Variants in NRG1 observed in about 807,000 individuals in gnomAD.
NRG1 encodes the protein pro-neuregulin-1, membrane-bound isoform.
A neutral mutation model predicts 63.8 loss-of-function variants in NRG1; 18 were observed. The ratio of observed to expected loss-of-function variants is 0.28; its 90% CI spans 0.19 to 0.42. The LOEUF (loss-of-function observed/expected upper bound fraction) is 0.42. Among genes scored for constraint, NRG1 ranks in the 10% least tolerant of loss-of-function variants. The probability of loss-of-function intolerance (pLI) is 1.00; values close to 1 mark genes in which losing one functional copy is unlikely to be tolerated. For synonymous variants in NRG1, 302 were observed against 301.3 expected (o/e 1.00, Z -0.02); for missense variants, 762 against 814.7 (o/e 0.94, Z 0.79).
intron 1 of NRG1, among the ~76,000 whole-genome samples, chr8:32,530,975 G>A (rs1411732694): frequency 1.3e-5 from 2 of 152,130 alleles, no homozygotes; most frequent in Non-Finnish European, 2.9e-5. Context: ...GGAAGCACCT[G>A]TAATTCCAGC....
chr8:31,887,716 A>T (rs557953464), intron 1 of NRG1, among the ~76,000 whole-genome samples: 3 of 152,188 alleles, frequency 2.0e-5, no homozygotes, highest in South Asian at 2.1e-4. Flanking sequence ...GGCTGTAAGG[A>T]TCTTTAATGA....
At chr8:32,708,126 T>C (rs1395991187) in intron 5 of NRG1, among the ~76,000 whole-genome samples, 3 of 152,130 alleles carry the variant, frequency 2.0e-5, no homozygotes, top group African/African-American at 7.2e-5. Flanking sequence ...TTTCCTAACT[T>C]ATATTATCTT....
chr8:32,597,955 G>A (rs1371692062), intron 2 of NRG1, among the ~76,000 whole-genome samples: 4 of 152,166 alleles, frequency 2.6e-5, no homozygotes, highest in Non-Finnish European at 5.9e-5. Context: ...GGATGGAATG[G>A]ATTTTGGTGT....
chr8:31,813,524 T>TCTTTTC (rs1196353618), intron 1 of NRG1, among the ~76,000 whole-genome samples: 16 of 139,700 alleles, frequency 1.1e-4, no homozygotes, highest in Non-Finnish European at 1.5e-4. Context: ...TTCTTTTTTT[T>TCTTTTC]TTTTTTTTTG....
intron 1 of NRG1, among the ~76,000 whole-genome samples, chr8:31,797,541 A>T (rs1479079849): frequency 1.3e-5 from 2 of 152,196 alleles, no homozygotes; most frequent in African/African-American, 4.8e-5. Flanking sequence ...CCATTATGGA[A>T]AATAGTAGAG....
intron 1 of NRG1, among the ~76,000 whole-genome samples, chr8:31,903,251 C>A (rs1339259412): frequency 6.7e-6 from 1 of 149,894 alleles, no homozygotes; most frequent in African/African-American, 2.4e-5. Flanking sequence ...CGGGTTCACG[C>A]CATTCTCCTG....
chr8:31,775,901 AAAAAAAAAAT>A (rs1819086960), intron 1 of NRG1, among the ~76,000 whole-genome samples: 1 of 143,222 alleles, frequency 7.0e-6, no homozygotes, highest in Admixed American at 7.1e-5. Context: ...AAAAAAAAAA[AAAAAAAAAAT>A]TCATACTTTA....
intron 1 of NRG1, among the ~76,000 whole-genome samples, chr8:31,653,092 C>T (rs546379149): frequency 6.8e-6 from 1 of 147,668 alleles, no homozygotes; most frequent in East Asian, 2.1e-4. Context: ...AAATAAAAGC[C>T]TAGAACTCTA....
intron 1 of NRG1, among the ~76,000 whole-genome samples, chr8:32,157,404 G>C (rs923358327): frequency 4.7e-5 from 7 of 147,882 alleles, no homozygotes; most frequent in African/African-American, 1.8e-4. Context: ...GCTCACGCCT[G>C]TAATCGCAGT....
intron 1 of NRG1, among the ~76,000 whole-genome samples, chr8:32,540,830 C>T (rs1034070618): frequency 2.0e-5 from 3 of 152,052 alleles, no homozygotes; most frequent in African/African-American, 7.2e-5. Context: ...GAGTTGGAGC[C>T]AACCCAATCT....
intron 1 of NRG1, among the ~76,000 whole-genome samples, chr8:32,234,299 T>C (rs1847306087): frequency 6.6e-6 from 1 of 152,176 alleles, no homozygotes; most frequent in African/African-American, 2.4e-5. Context: ...TTTAGAGCAA[T>C]GGAAAATCTT....
In NRG1 at chr8:32,748,358, C is replaced by G. The variant is rs56899781; in HGVS notation, c.691+5625C>G. Among the ~76,000 whole-genome samples, 253 of 122,010 alleles carry G rather than the reference C, an allele frequency of 2.1e-3. 2 individuals carry two copies. The highest frequency in any genetic ancestry group is 0.018 in the South Asian group (58 of 3,240). The allele number at this position is 122,010 out of a possible 152,430, so 80.0% of individuals were successfully genotyped here. A position where few individuals can be genotyped will look rare whatever the true frequency, so the allele number is the denominator to read the frequency against. ...GCGCGCGCACACACACACACACACACAGAGAGAGAGAGAGAGAGAGAGAGA... is the reference window on the plus strand; with the variant it reads ...GCGCGCGCACACACACACACACACAGAGAGAGAGAGAGAGAGAGAGAGAGA... On this transcript the variant is annotated intron_variant, in intron 7 of 11. Coordinates refer to ENST00000356819, the Ensembl canonical transcript of NRG1.
chr8:32,241,745 T>G (rs546750215), intron 1 of NRG1, among the ~76,000 whole-genome samples: 3 of 152,126 alleles, frequency 2.0e-5, no homozygotes, highest in African/African-American at 7.2e-5. Flanking sequence ...TGCTTTGGCA[T>G]CAAATGCCAC....
chr8:32,310,924 C>T (rs1470266078), intron 1 of NRG1, among the ~76,000 whole-genome samples: 1 of 152,204 alleles, frequency 6.6e-6, no homozygotes, highest in Non-Finnish European at 1.5e-5. Context: ...CCTGGAACAT[C>T]TTGGTTCACT....
chr8:32,697,899 C>G (rs1813767426), intron 5 of NRG1, among the ~76,000 whole-genome samples: 1 of 152,058 alleles, frequency 6.6e-6, no homozygotes, highest in African/African-American at 2.4e-5. Flanking sequence ...ATGGGACAAG[C>G]TGTTAGACAT....
intron 1 of NRG1, among the ~76,000 whole-genome samples, chr8:31,878,468 A>G (rs952480669): frequency 2.0e-5 from 3 of 152,254 alleles, no homozygotes; most frequent in African/African-American, 7.2e-5. Context: ...AAAAAGCAGT[A>G]TACTCAGGGG....
intron 1 of NRG1, among the ~76,000 whole-genome samples, chr8:32,386,714 A>G (rs1252289881): frequency 6.6e-6 from 1 of 152,218 alleles, no homozygotes; most frequent in African/African-American, 2.4e-5. Context: ...TGGAGAAGTA[A>G]GGAAGACTGA....
intron 1 of NRG1, among the ~76,000 whole-genome samples, chr8:32,110,349 A>G (rs1563798342): frequency 1.3e-5 from 2 of 152,144 alleles, no homozygotes; most frequent in African/African-American, 2.4e-5. Context: ...AAAGGAGAGA[A>G]GGGGAGAATG....
chr8:32,743,035 T>TA (rs1477205520), intron 7 of NRG1: 1 of 1,160,810 alleles, frequency 8.6e-7, no homozygotes, highest in African/African-American at 1.6e-5. Context: ...AATATGATAA[T>TA]AAAGGCATTT....
Sources: gnomAD v4.1 joint callset for allele counts (sites outside exome capture counted in the v4.1 genomes callset) on GRCh38, gnomAD v4.1.1 for gene constraint, MANE v1.5 for transcripts, NCBI Gene and HGNC (gene_info 2026-07-23, HGNC 2026-07-21) for gene names.